NPAT: variants seen among roughly 807,000 people sequenced by gnomAD.
NPAT encodes nuclear protein, coactivator of histone transcription, also known as protein NPAT.
Under a neutral mutation model 130.7 loss-of-function variants are expected in NPAT, and 52 were observed. The ratio of observed to expected loss-of-function variants is 0.40; its 90% CI spans 0.32 to 0.50. The LOEUF (loss-of-function observed/expected upper bound fraction) is 0.50. Among genes scored for constraint, NPAT ranks in the 20% least tolerant of loss-of-function variants. The probability of loss-of-function intolerance (pLI) is 0.68; values close to 1 mark genes in which losing one functional copy is unlikely to be tolerated. For synonymous variants in NPAT, 580 were observed against 584.8 expected, an observed-to-expected ratio of 0.99 and a Z score of 0.12; for missense variants, 1,687 against 1,662.6, an observed-to-expected ratio of 1.01 and a Z score of -0.26.
In NPAT at chr11:108,219,382, C is replaced by T. The variant is rs1287805794; in HGVS notation, c.37+3118G>A. 2.0e-5 allele frequency among the ~76,000 whole-genome samples: 3 copies of T among 152,138 alleles called. No homozygotes were observed. The South Asian group carries it at 6.2e-4, about 31-fold the overall frequency. On this transcript the variant is annotated intron_variant, in intron 1 of 17. Transcript: ENST00000278612. ...CCTACTGTTGCTAACCACTGAGATG[C>T]CTTAGTTGTAAGCTGCTGGGCGTCT...
rs552307530 is a variant in NPAT at position 108,216,468 on chromosome 11, C to A, written c.37+6032G>T. On this transcript the variant is annotated intron_variant, in intron 1 of 17. Transcript: ENST00000278612. ...GATATATAAACATATACAATATATTCATGACACTAAAACATTAAACTTTCG... is the reference window on the plus strand; with the variant it reads ...GATATATAAACATATACAATATATTAATGACACTAAAACATTAAACTTTCG... Among the ~76,000 whole-genome samples the A allele has an allele frequency of 1.3e-4, 19 of 151,150 alleles. No homozygotes were observed. The East Asian group carries it at 3.5e-3, about 28-fold the overall frequency.
intron 1 of NPAT, among the ~76,000 whole-genome samples, chr11:108,206,313 C>T (rs2078324896): frequency 6.6e-6 from 1 of 152,164 alleles, no homozygotes; most frequent in African/African-American, 2.4e-5. Flanking sequence ...GTTTGTTCCG[C>T]CCACTTGGCC....
chr11:108,206,222 G>T (rs988448851), intron 1 of NPAT, among the ~76,000 whole-genome samples: 2 of 152,286 alleles, frequency 1.3e-5, no homozygotes, highest in South Asian at 4.1e-4. Flanking sequence ...GTTGTCACAG[G>T]ATCCTTAGGG....
chr11:108,161,854 C>T lies in NPAT; in HGVS notation c.3232G>A (p.Gly1078Arg), dbSNP rs1176083376. 6.2e-7 allele frequency: 1 copy of T among 1,613,990 alleles called. No individual in the cohort carries two copies. Among genetic ancestry groups the T allele is most frequent in the Non-Finnish European group, 8.5e-7 (1 of 1,180,002 alleles). Residue 1078 changes from glycine (G) to arginine (R), a missense_variant, in exon 17 of 18, where the codon GGG becomes AGG. This residue lies in a region of NPAT where 1,379 missense variants were observed against 1,346.6 expected (regional missense o/e 1.02). Coordinates refer to ENST00000278612, the MANE Select transcript of NPAT (RefSeq NM_002519.3). The stretch of plus-strand genomic sequence containing the variant: ...TGGGACACCATCTTATGGTTTGGCC[C>T]CTGCGTATTTGCCACAGGAGCAGTA... ...STTAPVANTQGPNHKMVSQNK... is the reference protein window; with the variant it reads ...STTAPVANTQRPNHKMVSQNK...
chr11:108,191,031 G>A (rs1267570311), intron 4 of NPAT, among the ~76,000 whole-genome samples: 4 of 152,172 alleles, frequency 2.6e-5, no homozygotes, highest in Non-Finnish European at 5.9e-5. Flanking sequence ...TCACACCACC[G>A]CATTCCAGCT....
chr11:108,176,590 C>T (rs1024656892), intron 11 of NPAT, among the ~76,000 whole-genome samples: 2 of 152,172 alleles, frequency 1.3e-5, no homozygotes, highest in Non-Finnish European at 2.9e-5. Flanking sequence ...CATTTTCTAA[C>T]GAGTTCTCAG....
At chr11:108,176,887 C>A in intron 11 of NPAT, 107 bp downstream of exon 11, 1 of 712,978 alleles carries the variant, frequency 1.4e-6, no homozygotes, top group Non-Finnish European at 2.5e-6. Flanking sequence ...GAAATGAAAA[C>A]AAGAACTTTT....
intron 10 of NPAT, among the ~76,000 whole-genome samples, chr11:108,181,072 A>G (rs193220267): frequency 4.5e-4 from 69 of 152,316 alleles, no homozygotes; most frequent in Admixed American, 1.5e-3. Context: ...AGCTTTACAG[A>G]TCAAATTGTG....
intron 1 of NPAT, among the ~76,000 whole-genome samples, chr11:108,214,960 A>T (rs932807569): frequency 6.6e-6 from 1 of 152,130 alleles, no homozygotes; most frequent in Non-Finnish European, 1.5e-5. Context: ...AATGTGTCGT[A>T]TGAGGTTCTA....
At chr11:108,169,893 G>C in intron 14 of NPAT, 35 bp downstream of exon 14, 1 of 1,606,898 alleles carries the variant, frequency 6.2e-7, no homozygotes, top group South Asian at 1.1e-5. Context: ...AGCTTGAAAA[G>C]CATCACCACA....
Position 108,197,416 on chromosome 11 carries a change from G to A in NPAT, c.42C>T (p.Tyr14=). 6.3e-7 allele frequency: 1 copy of A among 1,586,470 alleles called. No individual in the cohort carries two copies. The highest frequency in any genetic ancestry group is 8.7e-7 in the Non-Finnish European group (1 of 1,155,060). Residue 14 remains tyrosine, a synonymous_variant, in exon 2 of 18, where the codon TAC becomes TAT. Coordinates refer to ENST00000278612, the MANE Select transcript of NPAT (RefSeq NM_002519.3). ...PSDVARLVLG[Y]LQQENLISTC... ...TAGAAATGAGGTTTTCTTGCTGTAA[G>A]TAACCTAAATAAAAAATAAAAGTTT... is the stretch of plus-strand genomic sequence containing the variant.
intron 3 of NPAT, among the ~76,000 whole-genome samples, chr11:108,192,868 T>C (rs1275008505): frequency 6.6e-6 from 1 of 151,912 alleles, no homozygotes; most frequent in East Asian, 1.9e-4. Context: ...ACAGGAGAAC[T>C]GCTTGAACCC....
At chr11:108,167,347 G>A (rs1383230449) in intron 15 of NPAT, among the ~76,000 whole-genome samples, 3 of 152,112 alleles carry the variant, frequency 2.0e-5, no homozygotes, top group Non-Finnish European at 4.4e-5. Flanking sequence ...GAATAGTTGG[G>A]ACTACTATCT....
chr11:108,181,601 AAAAT>A (rs1487562185), intron 10 of NPAT, among the ~76,000 whole-genome samples: 3 of 152,234 alleles, frequency 2.0e-5, no homozygotes, highest in Admixed American at 2.0e-4. Flanking sequence ...TAAAAATTAA[AAAAT>A]AAACACTCCC....
In NPAT at chr11:108,186,423, T is replaced by C; in HGVS notation, c.726+59A>G. ...ACACACATACATACATTTGTGTATA[T>C]ATCTGTATTTTTAAACTCAGGAATA... On this transcript the variant is annotated intron_variant, in intron 8 of 17. Coordinates refer to ENST00000278612, the MANE Select transcript of NPAT (RefSeq NM_002519.3). The C allele has an allele frequency of 4.0e-6, 5 of 1,243,384 alleles. No individual in the cohort carries two copies. The South Asian group carries it at 6.0e-5, about 15-fold the overall frequency. The allele number at this position is 1,243,384 out of a possible 1,614,324, so 77.0% of individuals were successfully genotyped here.
rs768066003 is a variant in NPAT at position 108,193,963 on chromosome 11, T to C, written c.211A>G (p.Thr71Ala). 2.6e-6 allele frequency: 4 copies of C among 1,565,396 alleles called. No individual in the cohort carries two copies. The highest frequency in any genetic ancestry group is 3.5e-6 in the Non-Finnish European group (4 of 1,136,420). Residue 71 changes from threonine to alanine, a missense_variant, in exon 3 of 18, where the codon ACA becomes GCA. Physicochemically the swap from Thr to Ala is moderately conservative, Grantham distance 58. This residue lies in a region of NPAT where 307 missense variants were observed against 298.9 expected (regional missense o/e 1.03). Coordinates refer to ENST00000278612, the MANE Select transcript of NPAT (RefSeq NM_002519.3). The part of the protein sequence containing the change: ...TILNEYVAMK[T>A]KETSNNVPAI... ...TCCAAATCAGAACTCTTACCTTTTG[T>C]TTTCATAGCTACATACTCATTTAAA...
At chr11:108,201,948 TG>T (rs983706314) in intron 1 of NPAT, among the ~76,000 whole-genome samples, 1 of 152,124 alleles carries the variant, frequency 6.6e-6, no homozygotes, top group African/African-American at 2.4e-5. Flanking sequence ...TCTTTACAGA[TG>T]GAAGTTCTTT....
chr11:108,192,517 CAT>C (rs1477816317), intron 3 of NPAT, among the ~76,000 whole-genome samples: 1 of 152,048 alleles, frequency 6.6e-6, no homozygotes, highest in African/African-American at 2.4e-5. Flanking sequence ...TATCATGTGA[CAT>C]ATGAAAGTGA....
At chr11:108,185,189 T>G (rs1311011328) in intron 10 of NPAT, 43 bp downstream of exon 10, 1 of 1,283,418 alleles carries the variant, frequency 7.8e-7, no homozygotes, top group Non-Finnish European at 1.1e-6. Flanking sequence ...ATCTTAAGTA[T>G]AAGTAACACA....
Sources: gnomAD v4.1 joint callset for allele counts (sites outside exome capture counted in the v4.1 genomes callset) on GRCh38, gnomAD v4.1.1 for gene constraint, gnomAD v4.1.1 regional missense constraint, MANE v1.5 for transcripts, NCBI Gene and HGNC (gene_info 2026-07-23, HGNC 2026-07-21) for gene names.